The following YPEL2 variants were observed in gnomAD, a reference collection of about 807,000 sequenced individuals.
YPEL2 encodes yippee like 2.
A neutral mutation model predicts 19.1 loss-of-function variants in YPEL2; 2 were observed. That is an observed-to-expected ratio of 0.10 (90% CI 0.04 to 0.33). The LOEUF (loss-of-function observed/expected upper bound fraction) is 0.33, where lower values mean the gene tolerates loss of function less well. Ranked by LOEUF, YPEL2 falls within the 10% of genes least tolerant of loss-of-function variation. The probability of loss-of-function intolerance (pLI) is 1.00; values close to 1 mark genes in which losing one functional copy is unlikely to be tolerated. For synonymous variants in YPEL2, 52 were observed against 50.0 expected, an observed-to-expected ratio of 1.04 and a Z score of -0.17; for missense variants, 66 against 140.7, an observed-to-expected ratio of 0.47 and a Z score of 2.68.
At chr17:59,334,396 G>GGC (rs149147578) in intron 1 of YPEL2, among the ~76,000 whole-genome samples, 1 of 150,012 alleles carries the variant, frequency 6.7e-6, no homozygotes, top group Non-Finnish European at 1.5e-5. Context: ...TATTTGGGGG[G>GGC]GGGTGAGGAG....
intron 2 of YPEL2, among the ~76,000 whole-genome samples, chr17:59,382,922 C>T (rs2047957080): frequency 6.6e-6 from 1 of 152,146 alleles, no homozygotes; most frequent in South Asian, 2.1e-4. Context: ...GGATTATAGG[C>T]ATGAGCCATC....
At chr17:59,358,827 C>T (rs1287841365) in intron 2 of YPEL2, among the ~76,000 whole-genome samples, 1 of 151,738 alleles carries the variant, frequency 6.6e-6, no homozygotes, top group Non-Finnish European at 1.5e-5. Flanking sequence ...AGGCTGATCT[C>T]GAACTCCTGA....
chr17:59,394,396 C>G (rs1392495342), intron 4 of YPEL2, among the ~76,000 whole-genome samples: 1 of 149,076 alleles, frequency 6.7e-6, no homozygotes, highest in Non-Finnish European at 1.5e-5. Context: ...CAGAGGCGCT[C>G]CCCACATCTC....
intron 2 of YPEL2, among the ~76,000 whole-genome samples, chr17:59,361,667 A>AT (rs2047841424): frequency 6.6e-6 from 1 of 152,198 alleles, no homozygotes. Context: ...ACTCCATGAA[A>AT]TTGCATGTGT....
Position 59,353,660 on chromosome 17 carries a change from G to A in YPEL2, c.117+134G>A, listed in dbSNP as rs551631022. The A allele has an allele frequency of 5.2e-5, 39 of 746,868 alleles. No homozygotes were observed. In the East Asian group the frequency reaches 5.4e-4, roughly 10 times the overall value. The allele number at this position is 746,868 out of a possible 1,614,324, so 46.3% of individuals were successfully genotyped here. A position where few individuals can be genotyped will look rare whatever the true frequency, so the allele number is the denominator to read the frequency against. ...ACAGGGAGGGCTGACCCACGTGACC[G>A]TCTCACTCAACTGAGAAAAACTCTG... On this transcript the variant is annotated intron_variant, in intron 2 of 4. Transcript: ENST00000312655. This position sits in a 1 kb window ranked among gnomAD's most constrained non-coding sequence, Gnocchi z 4.8.
rs763266316 is a variant in YPEL2, at chr17:59,353,387, T to A, written c.-23T>A. On this transcript the variant is annotated 5_prime_UTR_variant, in exon 2 of 5. Coordinates refer to ENST00000312655, the MANE Select transcript of YPEL2 (RefSeq NM_001005404.4). This position sits in a 1 kb window ranked among gnomAD's most constrained non-coding sequence, Gnocchi z 4.8. ...AGTGCCTCGTGGGCTGCCCCAGAGT[T>A]CACCCCACACTCAGCAGCACCAATG... The A allele has an allele frequency of 6.6e-7, 1 of 1,525,528 alleles. No homozygotes were observed. Among genetic ancestry groups the A allele is most frequent in the East Asian group, 2.3e-5 (1 of 44,294 alleles). 94.5% of individuals were successfully genotyped at this position (1,525,528 alleles called of 1,614,324 possible).
intron 2 of YPEL2, among the ~76,000 whole-genome samples, chr17:59,385,405 T>A (rs1368629872): frequency 6.6e-6 from 1 of 151,694 alleles, no homozygotes; most frequent in Non-Finnish European, 1.5e-5. Context: ...ATGGCAAGAT[T>A]CCGTCTCTAC....
rs1443192863 is a variant in YPEL2, at chr17:59,388,214, C to T, written c.118-113C>T. 5 of 1,006,130 alleles carry T rather than the reference C, an allele frequency of 5.0e-6. No individual in the cohort carries two copies. The East Asian group carries it at 9.5e-5, about 19-fold the overall frequency. 62.3% of individuals were successfully genotyped at this position (1,006,130 alleles called of 1,614,324 possible). A position where few individuals can be genotyped will look rare whatever the true frequency, so the allele number is the denominator to read the frequency against. The stretch of plus-strand genomic sequence containing the variant: ...CGGGACCGTTAACTGGCTCAGTACT[C>T]CCTTTTGCTGTGTCAGTCCTGGAAG... On this transcript the variant is annotated intron_variant, in intron 2 of 4. Transcript: ENST00000312655.
intron 1 of YPEL2, among the ~76,000 whole-genome samples, chr17:59,338,496 C>G (rs1000670001): frequency 6.6e-6 from 1 of 152,174 alleles, no homozygotes; most frequent in African/African-American, 2.4e-5. Flanking sequence ...ATTTTGATCC[C>G]TATTTTTGAG....
At chr17:59,389,228 T>C in intron 3 of YPEL2, 132 bp from the exon 4 acceptor site, 1 of 723,052 alleles carries the variant, frequency 1.4e-6, no homozygotes, top group Non-Finnish European at 2.3e-6. Context: ...GGGATTGGTT[T>C]AGATCTGCTC....
intron 1 of YPEL2, among the ~76,000 whole-genome samples, chr17:59,344,267 G>A (rs1202284188): frequency 6.6e-6 from 1 of 152,124 alleles, no homozygotes; most frequent in African/African-American, 2.4e-5. Flanking sequence ...GAGAGGGTGT[G>A]GGTAAGAAGG....
At chr17:59,389,045 C>T (rs1454571974) in intron 3 of YPEL2, 3 of 371,352 alleles carry the variant, frequency 8.1e-6, no homozygotes, top group Non-Finnish European at 1.5e-5. Context: ...GTGGACTTCA[C>T]AGTGTGGCTG....
chr17:59,392,745 CTCGTG>C (rs1478863679), intron 4 of YPEL2, among the ~76,000 whole-genome samples: 8 of 152,142 alleles, frequency 5.3e-5, no homozygotes, highest in Non-Finnish European at 1.2e-4. Flanking sequence ...AACTCCTCAC[CTCGTG>C]ATCTGCCCGC....
intron 1 of YPEL2, among the ~76,000 whole-genome samples, chr17:59,344,241 C>T (rs1052666021): frequency 6.6e-6 from 1 of 152,054 alleles, no homozygotes; most frequent in Non-Finnish European, 1.5e-5. Flanking sequence ...GTAGAAGGCA[C>T]AGGTTTAGAG....
chr17:59,356,271 C>T (rs2047812215), intron 2 of YPEL2: 1 of 146,028 alleles, frequency 6.8e-6, no homozygotes, highest in South Asian at 2.1e-4. Context: ...GTAATAGGGC[C>T]TTTCATCTGA....
chr17:59,360,620 T>C (rs2047836045), intron 2 of YPEL2, among the ~76,000 whole-genome samples: 1 of 152,200 alleles, frequency 6.6e-6, no homozygotes, highest in African/African-American at 2.4e-5. Flanking sequence ...CCTCTAGAAG[T>C]ATCTGTTGAC....
rs182886286 is a variant in YPEL2 at position 59,395,368 on chromosome 17, C to T, written c.271-1733C>T. On this transcript the variant is annotated intron_variant, in intron 4 of 4. Transcript: ENST00000312655. The stretch of plus-strand genomic sequence containing the variant: ...GGTGACCCAGAACCCCGCAAGGGTA[C>T]GCCTCAATTCCTTACTAATTCTGGG... Among the ~76,000 whole-genome samples the T allele has an allele frequency of 1.6e-4, 24 of 152,268 alleles. No individual in the cohort carries two copies. In the East Asian group the frequency reaches 2.9e-3, roughly 18 times the overall value.
At chr17:59,388,568 A>G (rs2147957201) in intron 3 of YPEL2, among the ~76,000 whole-genome samples, 198 bp downstream of exon 3, 1 of 152,310 alleles carries the variant, frequency 6.6e-6, no homozygotes, top group African/African-American at 2.4e-5. Flanking sequence ...AAAATAATAT[A>G]TTCACTACAT....
chr17:59,384,425 T>C (rs1006451584), intron 2 of YPEL2, among the ~76,000 whole-genome samples: 3 of 152,186 alleles, frequency 2.0e-5, no homozygotes, highest in East Asian at 1.9e-4. Context: ...GCAAAGACCC[T>C]GCTATTTAAA....
Sources: allele counts gnomAD v4.1 joint callset (sites outside exome capture counted in the v4.1 genomes callset), GRCh38; gene constraint gnomAD v4.1.1; non-coding constraint Gnocchi (gnomAD v3.1); transcripts MANE v1.5; gene names NCBI Gene and HGNC (gene_info 2026-07-23, HGNC 2026-07-21).